Variants in HS3ST5 observed in about 807,000 individuals in gnomAD.
HS3ST5 encodes heparan sulfate-glucosamine 3-sulfotransferase 5.
Under a neutral mutation model 25.4 loss-of-function variants are expected in HS3ST5, and 10 were observed. The ratio of observed to expected loss-of-function variants is 0.39; its 90% CI spans 0.24 to 0.67. HS3ST5 has a LOEUF of 0.67. HS3ST5 is among the 30% of genes least tolerant of loss of function. HS3ST5 has a pLI of 0.44. For missense variants in HS3ST5, 324 were observed against 420.7 expected, an observed-to-expected ratio of 0.77 and a Z score of 2.01; for synonymous variants, 170 against 162.4, an observed-to-expected ratio of 1.05 and a Z score of -0.36.
At chr6:114,136,411 A>G (rs987015673) in intron 3 of HS3ST5, among the ~76,000 whole-genome samples, 4 of 152,194 alleles carry the variant, frequency 2.6e-5, no homozygotes, top group Non-Finnish European at 4.4e-5. Flanking sequence ...GTCTTCAGCC[A>G]TGATTGTGAG....
At chr6:114,341,211 G>A (rs1213826818) in intron 1 of HS3ST5, among the ~76,000 whole-genome samples, 1 of 124,488 alleles carries the variant, frequency 8.0e-6, no homozygotes, top group Non-Finnish European at 1.7e-5. Flanking sequence ...AGAGGGAATA[G>A]GGAGAGAGGG....
rs576097217 is a variant in HS3ST5, at chr6:114,158,212, A to G, written c.-33+10139T>C. On this transcript the variant is annotated intron_variant, in intron 3 of 4. Transcript: ENST00000312719. Reference sequence around the variant, plus strand: ...CTGGTGGAATCCCTGTGTCTTACATAGTGCATAGCATGTAGAAGGTACTCA... The same window carrying G: ...CTGGTGGAATCCCTGTGTCTTACATGGTGCATAGCATGTAGAAGGTACTCA... Among the ~76,000 whole-genome samples, 41 of 152,318 alleles carry G rather than the reference A, an allele frequency of 2.7e-4. No individual in the cohort carries two copies. The South Asian group carries it at 8.1e-3, about 30-fold the overall frequency.
At chr6:114,134,611 C>T (rs886791744) in intron 3 of HS3ST5, among the ~76,000 whole-genome samples, 12 of 152,130 alleles carry the variant, frequency 7.9e-5, no homozygotes, top group African/African-American at 2.4e-4. Context: ...AATACCTGCT[C>T]GGGCCTTACC....
At chr6:114,240,009 T>TACACAC (rs149926688) in intron 1 of HS3ST5, among the ~76,000 whole-genome samples, 17,894 of 148,872 alleles carry the variant, frequency 0.12, 1,188 homozygotes, top group African/African-American at 0.18. Flanking sequence ...AGCACACACA[T>TACACAC]ACACACACAC....
intron 3 of HS3ST5, among the ~76,000 whole-genome samples, chr6:114,129,910 TA>T (rs1777244708): frequency 6.6e-6 from 1 of 152,224 alleles, no homozygotes; most frequent in Non-Finnish European, 1.5e-5. Context: ...AAGCTGGTTT[TA>T]AAGAATGTGA....
chr6:114,075,262 C>G (rs888758626), intron 3 of HS3ST5, among the ~76,000 whole-genome samples: 2 of 152,204 alleles, frequency 1.3e-5, no homozygotes, highest in African/African-American at 4.8e-5. Flanking sequence ...CTCTGATTCT[C>G]TTAGATTGGC....
chr6:114,105,758 T>G (rs1371703180), intron 3 of HS3ST5, among the ~76,000 whole-genome samples: 1 of 152,154 alleles, frequency 6.6e-6, no homozygotes, highest in East Asian at 1.9e-4. Context: ...TCAATAAACG[T>G]TTCTACATAG....
chr6:114,121,594 C>T (rs927283311), intron 3 of HS3ST5, among the ~76,000 whole-genome samples: 9 of 151,972 alleles, frequency 5.9e-5, no homozygotes, highest in Admixed American at 3.9e-4. Context: ...ATAAAAAATA[C>T]AATACTAGTA....
intron 1 of HS3ST5, among the ~76,000 whole-genome samples, chr6:114,335,245 T>A (rs1358341598): frequency 6.6e-6 from 1 of 151,124 alleles, no homozygotes; most frequent in East Asian, 1.9e-4. Context: ...AAGGGCAAAA[T>A]GTATAAAGAC....
At chr6:114,225,197 A>G (rs1782235846) in intron 2 of HS3ST5, among the ~76,000 whole-genome samples, 1 of 151,842 alleles carries the variant, frequency 6.6e-6, no homozygotes, top group Non-Finnish European at 1.5e-5. Context: ...GAAACTTCCA[A>G]TAGCATGACT....
intron 1 of HS3ST5, among the ~76,000 whole-genome samples, chr6:114,310,632 C>A (rs544082301): frequency 6.6e-6 from 1 of 151,706 alleles, no homozygotes; most frequent in African/African-American, 2.4e-5. Flanking sequence ...TATATAGATG[C>A]TCTTTGACTT....
chr6:114,184,282 A>G (rs575300193), intron 2 of HS3ST5, among the ~76,000 whole-genome samples: 1 of 152,260 alleles, frequency 6.6e-6, no homozygotes, highest in South Asian at 2.1e-4. Context: ...ACTTGAAGAC[A>G]GAATTATTAA....
intron 2 of HS3ST5, among the ~76,000 whole-genome samples, chr6:114,182,675 C>T (rs1352190914): frequency 6.6e-6 from 1 of 152,106 alleles, no homozygotes; most frequent in Non-Finnish European, 1.5e-5. Flanking sequence ...GAATATTATC[C>T]TACATGTGGT....
intron 2 of HS3ST5, among the ~76,000 whole-genome samples, chr6:114,174,456 A>G (rs1017353394): frequency 1.1e-4 from 16 of 152,048 alleles, no homozygotes; most frequent in Admixed American, 6.6e-5. Flanking sequence ...AATATTCTAG[A>G]TGCTCTCAAA....
Position 114,210,531 on chromosome 6 carries a change from TATTTTGTTACA to T in HS3ST5, c.-145+18043_-145+18053del, listed in dbSNP as rs773011572. ...TGGCTTACTATGAACGCAAAACTGA[TATTTTGTTACA>T]ATTCCAAGAGACAAATGGACCATAA... On this transcript the variant is annotated intron_variant, in intron 2 of 4. Transcript: ENST00000312719. 6.4e-4 allele frequency among the ~76,000 whole-genome samples: 98 copies of T among 152,204 alleles called. 1 individual carries two copies. The highest frequency in any genetic ancestry group is 5.0e-4 in the Non-Finnish European group (34 of 68,044).
chr6:114,083,667 T>G (rs1774593909), intron 3 of HS3ST5, among the ~76,000 whole-genome samples: 1 of 152,256 alleles, frequency 6.6e-6, no homozygotes, highest in African/African-American at 2.4e-5. Context: ...TAATATGTCT[T>G]CGTGTAGAAA....
chr6:114,202,117 A>G (rs1486627809), intron 2 of HS3ST5, among the ~76,000 whole-genome samples: 1 of 152,114 alleles, frequency 6.6e-6, no homozygotes, highest in Non-Finnish European at 1.5e-5. Flanking sequence ...TCTACAAAAA[A>G]GTTTAAAAAA....
chr6:114,098,548 TATA>T (rs895973236), intron 3 of HS3ST5, among the ~76,000 whole-genome samples: 7 of 148,312 alleles, frequency 4.7e-5, no homozygotes, highest in Admixed American at 6.8e-5. Flanking sequence ...TATTTTAATA[TATA>T]ATATTAAATT....
chr6:114,096,181 A>ATTGTTCACTAG (rs1173029432), intron 3 of HS3ST5, among the ~76,000 whole-genome samples: 1 of 152,112 alleles, frequency 6.6e-6, no homozygotes, highest in Non-Finnish European at 1.5e-5. Context: ...AATACTGCAA[A>ATTGTTCACTAG]TTGTTCACTA....
Sources: gnomAD v4.1 joint callset for allele counts (sites outside exome capture counted in the v4.1 genomes callset) on GRCh38, gnomAD v4.1.1 for gene constraint, MANE v1.5 for transcripts, NCBI Gene and HGNC (gene_info 2026-07-23, HGNC 2026-07-21) for gene names.